Variants in ZNF320 observed in about 807,000 individuals in gnomAD.
ZNF320 encodes zinc finger protein 320.
In ZNF320, 2 loss-of-function variants were observed where a neutral mutation model predicts 6.8. That is an observed-to-expected ratio of 0.29 (90% CI 0.12 to 0.93). The LOEUF is 0.93. Among genes scored for constraint, ZNF320 ranks in the 40% least tolerant of loss-of-function variants. ZNF320 has a pLI of 0.55. For synonymous variants in ZNF320, 208 were observed against 203.2 expected (o/e 1.02, Z -0.20); for missense variants, 472 against 611.0 (o/e 0.77, Z 2.40).
rs1456239893 is a variant in ZNF320, at chr19:52,877,243, T to C, written c.*3353A>G. The C allele has an allele frequency of 1.3e-5, 2 of 152,180 alleles. No individual in the cohort carries two copies. Among genetic ancestry groups the C allele is most frequent in the African/African-American group, 4.8e-5 (2 of 41,432 alleles). The allele number at this position is 152,180 out of a possible 1,614,324, so 9.4% of individuals were successfully genotyped here. On this transcript the variant is annotated 3_prime_UTR_variant, in exon 6 of 6. Coordinates refer to ENST00000682928, the MANE Select transcript of ZNF320 (RefSeq NM_001351774.2). ...TGAGGCTGCAGTTTGGTTTCACACATTTTACAGACACACGAGACAGCAATC... is the reference window on the plus strand; with the variant it reads ...TGAGGCTGCAGTTTGGTTTCACACACTTTACAGACACACGAGACAGCAATC...
intron 4 of ZNF320, among the ~76,000 whole-genome samples, chr19:52,888,811 A>ATATG (rs1216500125): frequency 6.6e-6 from 1 of 152,178 alleles, no homozygotes. Context: ...GTGTGTGTAC[A>ATATG]TATGTATGTA....
intron 5 of ZNF320, among the ~76,000 whole-genome samples, chr19:52,883,379 A>C (rs2063981066): frequency 6.6e-6 from 1 of 152,130 alleles, no homozygotes; most frequent in Non-Finnish European, 1.5e-5. Context: ...GACATTAACG[A>C]AGGGAGTGTG....
chr19:52,886,873 T>G (rs1252035382), intron 5 of ZNF320, among the ~76,000 whole-genome samples: 4 of 151,524 alleles, frequency 2.6e-5, no homozygotes, highest in Non-Finnish European at 4.4e-5. Flanking sequence ...AGGCAGAGGC[T>G]GCAGTTAGCC....
At chr19:52,894,188 C>G (rs1055650072) in intron 1 of ZNF320, 1 of 151,914 alleles carries the variant, frequency 6.6e-6, no homozygotes, top group Admixed American at 6.6e-5. Context: ...GTTCAGAGAA[C>G]AGTCTGGCCA....
chr19:52,871,111 C>A (rs937495292), intron 5 of ZNF320, among the ~76,000 whole-genome samples: 1 of 152,164 alleles, frequency 6.6e-6, no homozygotes, highest in Admixed American at 6.5e-5. Flanking sequence ...CCTGTCACTG[C>A]ACTCCAGTTT....
chr19:52,882,955 A>T (rs2063968173), intron 5 of ZNF320, among the ~76,000 whole-genome samples: 1 of 152,028 alleles, frequency 6.6e-6, no homozygotes, highest in African/African-American at 2.4e-5. Flanking sequence ...AAAAAAGAAA[A>T]TGTTAATAGC....
At chr19:52,890,110 G>A (rs1315550486) in intron 4 of ZNF320, 131 bp downstream of exon 4, 1 of 1,397,622 alleles carries the variant, frequency 7.2e-7, no homozygotes, top group East Asian at 2.3e-5. Context: ...GAGGGACTGA[G>A]GGAAGGCATG....
chr19:52,875,772 T>A (rs1273251382), downstream of ZNF320, among the ~76,000 whole-genome samples: 2 of 150,402 alleles, frequency 1.3e-5, no homozygotes, highest in African/African-American at 2.5e-5. Context: ...CGAGTGACAC[T>A]CCATCTCAAA....
chr19:52,884,877 C>T (rs988439323), intron 5 of ZNF320, among the ~76,000 whole-genome samples: 4 of 152,086 alleles, frequency 2.6e-5, no homozygotes, highest in African/African-American at 9.7e-5. Context: ...ATAAATCTTG[C>T]AATACTTGAA....
intron 5 of ZNF320, among the ~76,000 whole-genome samples, chr19:52,867,369 T>G (rs1196896201): frequency 7.2e-5 from 11 of 151,854 alleles, no homozygotes. Context: ...AGCTAATATT[T>G]GTATTTTTAG....
At chr19:52,893,537 C>T (rs1303042859) in intron 2 of ZNF320, 1 of 152,028 alleles carries the variant, frequency 6.6e-6, no homozygotes, top group East Asian at 1.9e-4. Flanking sequence ...GTCCCAGCTA[C>T]TTGGGAGACT....
At chr19:52,883,076 C>G (rs1203133347) in intron 5 of ZNF320, among the ~76,000 whole-genome samples, 1 of 152,098 alleles carries the variant, frequency 6.6e-6, no homozygotes, top group Non-Finnish European at 1.5e-5. Flanking sequence ...GAGTCTCACT[C>G]TGTCACCCAG....
upstream of ZNF320, among the ~76,000 whole-genome samples, chr19:52,899,479 TG>T (rs1179247471): frequency 6.6e-6 from 1 of 152,196 alleles, no homozygotes; most frequent in Non-Finnish European, 1.5e-5. Context: ...TTTCTTTTTT[TG>T]GTGATGGAGT....
At chr19:52,862,050 T>C in exon 6 of ZNF320, 1 of 376,766 alleles carries the variant, frequency 2.7e-6, no homozygotes, top group African/African-American at 2.1e-5. Context: ...GAACTGCAAG[T>C]TATGAACGAT....
downstream of ZNF320, among the ~76,000 whole-genome samples, chr19:52,872,416 T>C (rs571109121): frequency 7.2e-5 from 11 of 152,308 alleles, no homozygotes; most frequent in Non-Finnish European, 1.5e-4. Context: ...GGACAAAGTA[T>C]AGAGGGAGAA....
exon 6 of ZNF320, chr19:52,864,009 T>A (rs948583152): frequency 4.2e-6 from 2 of 481,380 alleles, no homozygotes; most frequent in Non-Finnish European, 8.1e-6. Flanking sequence ...AGATTCTTCA[T>A]GTCTGGAGGA....
At chr19:52,861,381 C>T (rs1269157051) in exon 6 of ZNF320, among the ~76,000 whole-genome samples, 1 of 152,098 alleles carries the variant, frequency 6.6e-6, no homozygotes, top group Admixed American at 6.6e-5. Context: ...AGAGATAGAA[C>T]CCATATTGAT....
At chr19:52,865,481 TATAA>T (rs2063532385) in intron 5 of ZNF320, 1 of 122,166 alleles carries the variant, frequency 8.2e-6, no homozygotes, top group Non-Finnish European at 1.7e-5. Flanking sequence ...TACATATATA[TATAA>T]TACATATATA....
Position 52,881,063 on chromosome 19 carries a change from T to C in ZNF320, c.1063A>G (p.Lys355Glu). The C allele has an allele frequency of 1.2e-6, 2 of 1,614,196 alleles. No homozygotes were observed. Among genetic ancestry groups the C allele is most frequent in the Non-Finnish European group, 1.7e-6 (2 of 1,180,032 alleles). Residue 355 changes from lysine (K) to glutamate (E), a missense_variant, in exon 6 of 6, where the codon AAA (lysine) becomes GAA (glutamate). This residue lies in a region of ZNF320 where 462 missense variants were observed against 559.7 expected (regional missense o/e 0.83). Coordinates refer to ENST00000682928, the MANE Select transcript of ZNF320 (RefSeq NM_001351774.2). Reference protein sequence around the residue: ...ERHRRIHTGEKPYKCKVCDKA... With the variant: ...ERHRRIHTGEEPYKCKVCDKA... ...TCACAAACCTTACATTTGTATGGTT[T>C]CTCTCCAGTATGAATCCTCCTATGT...
Sources: allele counts gnomAD v4.1 joint callset (sites outside exome capture counted in the v4.1 genomes callset), GRCh38; gene constraint gnomAD v4.1.1; regional missense constraint gnomAD v4.1.1; transcripts MANE v1.5; gene names NCBI Gene and HGNC (gene_info 2026-07-23, HGNC 2026-07-21).